The following JAG1 variants were observed in gnomAD, a reference collection of about 807,000 sequenced individuals.
The protein encoded by JAG1 is protein jagged-1.
JAG1 carries 23 observed loss-of-function variants against 148.7 expected under a neutral mutation model. The ratio of observed to expected loss-of-function variants is 0.15; its 90% CI spans 0.11 to 0.22. JAG1 has a LOEUF of 0.22. Ranked by LOEUF, JAG1 falls within the 10% of genes least tolerant of loss-of-function variation. The pLI is 1.00. For synonymous variants in JAG1, 572 were observed against 598.3 expected (o/e 0.96, Z 0.64); for missense variants, 1,054 against 1,611.2 (o/e 0.65, Z 5.92).
At position 10,652,206 on chromosome 20, in the gene JAG1, T is replaced by C. The variant is rs373848497; in HGVS notation, c.931A>G (p.Thr311Ala). ...TTGTCAGGGCCTGTGTTGCTACAAGTTCCCCCGTTGAGACACGGCTGATGA... is the reference window on the plus strand; with the variant it reads ...TTGTCAGGGCCTGTGTTGCTACAAGCTCCCCCGTTGAGACACGGCTGATGA... ...GTHQPCLNGG[T>A]CSNTGPDKYQ... Residue 311 changes from threonine (T) to alanine (A), a missense_variant, in exon 7 of 26, where the codon ACT (threonine) becomes GCT (alanine). By Grantham distance (58) the Thr-to-Ala change is moderately conservative. Coordinates refer to ENST00000254958, the MANE Select transcript of JAG1 (RefSeq NM_000214.3). 6.2e-7 allele frequency: 1 copy of C among 1,614,040 alleles called. No individual in the cohort carries two copies. The highest frequency in any genetic ancestry group is 1.3e-5 in the African/African-American group (1 of 75,026).
intron 3 of JAG1, 136 bp from the exon 4 acceptor site, chr20:10,658,858 G>A: frequency 1.1e-6 from 1 of 924,326 alleles, no homozygotes; most frequent in South Asian, 1.5e-5. Flanking sequence ...GAAATGAAAA[G>A]TTTATGCCCC....
chr20:10,661,771 C>T (rs185937286), intron 3 of JAG1, among the ~76,000 whole-genome samples: 5 of 152,250 alleles, frequency 3.3e-5, no homozygotes, highest in Admixed American at 1.3e-4. Flanking sequence ...GTGGACCAGA[C>T]GAAGGCTACT....
At chr20:10,671,231 C>T (rs1462830693) in intron 2 of JAG1, among the ~76,000 whole-genome samples, 1 of 152,210 alleles carries the variant, frequency 6.6e-6, no homozygotes, top group African/African-American at 2.4e-5. Flanking sequence ...CGCAGCCAGA[C>T]TCTTTAGCTT....
intron 4 of JAG1, among the ~76,000 whole-genome samples, chr20:10,656,873 A>T (rs1012529126): frequency 1.2e-4 from 4 of 33,960 alleles, no homozygotes; most frequent in South Asian, 9.5e-4. Context: ...CTCAGCCTTT[A>T]AAAAAAAAAA....
chr20:10,639,980 T>TA, intron 25 of JAG1, 25 bp from the exon 26 acceptor site: 2 of 1,551,346 alleles, frequency 1.3e-6, no homozygotes, highest in Middle Eastern at 1.7e-4. Flanking sequence ...CAAAACCAAT[T>TA]AACTCTCCAA....
chr20:10,639,476 C>T lies in JAG1; in HGVS notation c.*22G>A, dbSNP rs375704631. The T allele has an allele frequency of 7.6e-5, 122 of 1,600,324 alleles. No homozygotes were observed. Among genetic ancestry groups the T allele is most frequent in the African/African-American group, 1.9e-4 (14 of 74,812 alleles). On this transcript the variant is annotated 3_prime_UTR_variant, in exon 26 of 26. Coordinates refer to ENST00000254958, the MANE Select transcript of JAG1 (RefSeq NM_000214.3). ...CTACAAGCCCTCAGACTCTACCTAG[C>T]GGCGGCAGTGCCCGCGGTCTGCTAT...
At chr20:10,648,501 C>T (rs538816747) in intron 12 of JAG1, 48 bp downstream of exon 12, 37 of 1,512,350 alleles carry the variant, frequency 2.4e-5, no homozygotes, top group African/African-American at 2.7e-5. Context: ...GAGGAGGCAG[C>T]GGCTCTGCTC....
Position 10,672,817 on chromosome 20 carries a change from G to C in JAG1, c.271C>G (p.Pro91Ala). The change falls in exon 2 of 26, where the codon CCC becomes GCC. Residue 91 changes from proline (P) to alanine (A), a missense_variant. By Grantham distance (27) the Pro-to-Ala change is conservative. Coordinates refer to ENST00000254958, the MANE Select transcript of JAG1 (RefSeq NM_000214.3). ...GTGGACCCTGAGCCGAAGCTGCAGG[G>C]CCCCCCGGCCGTGACGCGGGACTGA... ...EYQSRVTAGG[P>A]CSFGSGSTPV... is the part of the protein sequence containing the mutation. 1 of 1,613,110 alleles carries C rather than the reference G, an allele frequency of 6.2e-7. No individual in the cohort carries two copies. Among genetic ancestry groups the C allele is most frequent in the East Asian group, 2.2e-5 (1 of 44,832 alleles).
chr20:10,670,398 T>C (rs571089483), intron 2 of JAG1, among the ~76,000 whole-genome samples: 1 of 152,374 alleles, frequency 6.6e-6, no homozygotes, highest in African/African-American at 2.4e-5. Flanking sequence ...ATCCTTTTCT[T>C]GCTATCTCTT....
intron 14 of JAG1, among the ~76,000 whole-genome samples, chr20:10,646,585 G>GGT: frequency 2.0e-5 from 3 of 151,912 alleles, no homozygotes; most frequent in African/African-American, 7.2e-5. Context: ...GGGGTCGGGG[G>GGT]GTGGATCATC....
At chr20:10,649,240 A>T (rs1179154614) in intron 10 of JAG1, 133 bp from the exon 11 acceptor site, 1 of 712,070 alleles carries the variant, frequency 1.4e-6, no homozygotes, top group African/African-American at 1.8e-5. Context: ...AGATAAGGTT[A>T]TTACGCTGGG....
rs892275570 is a variant in JAG1, at chr20:10,672,885, C to G, written c.203G>C (p.Arg68Pro). 3 of 1,613,184 alleles carry G rather than the reference C, an allele frequency of 1.9e-6. No individual in the cohort carries two copies. Among genetic ancestry groups the G allele is most frequent in the Admixed American group, 1.7e-5 (1 of 60,008 alleles). ...ARNPGDRKCT[R>P]DECDTYFKVC... ...TTTGAAGTATGTGTCACACTCGTCG[C>G]GGGTGCACTTGCGGTCTCCCGGGTT... is the stretch of plus-strand genomic sequence containing the variant. The change falls in exon 2 of 26, where the codon CGC becomes CCC. Residue 68 changes from arginine (R) to proline (P), a missense_variant. By Grantham distance (103) the Arg-to-Pro change is moderately radical (BLOSUM62 -2). This residue lies in a region of JAG1 where 151 missense variants were observed against 211.1 expected (regional missense o/e 0.72). Coordinates refer to ENST00000254958, the MANE Select transcript of JAG1 (RefSeq NM_000214.3).
chr20:10,648,960 A>C lies in JAG1; in HGVS notation c.1395+101T>G, dbSNP rs114304180. 22 of 1,103,170 alleles carry C rather than the reference A, an allele frequency of 2.0e-5. 1 individual carries two copies. In the African/African-American group the frequency reaches 3.0e-4, roughly 15 times the overall value. The allele number at this position is 1,103,170 out of a possible 1,614,324, so 68.3% of individuals were successfully genotyped here. A position where few individuals can be genotyped will look rare whatever the true frequency, so the allele number is the denominator to read the frequency against. ...TTCCAAGAGACTCTTTTTTCACCCA[A>C]ATTTTTAAATCTCACAGGGACAGAG... On this transcript the variant is annotated intron_variant, in intron 11 of 25. Coordinates refer to ENST00000254958, the MANE Select transcript of JAG1 (RefSeq NM_000214.3).
intron 21 of JAG1, among the ~76,000 whole-genome samples, chr20:10,642,161 T>C (rs2067276994): frequency 1.3e-5 from 2 of 152,098 alleles, no homozygotes; most frequent in South Asian, 2.1e-4. Context: ...ATGAAAGGAA[T>C]ATGCCCCAGA....
chr20:10,666,118 G>A (rs2067452336), intron 2 of JAG1, among the ~76,000 whole-genome samples: 2 of 152,116 alleles, frequency 1.3e-5, no homozygotes, highest in South Asian at 4.1e-4. Context: ...GTCTGTTTCA[G>A]GGAGGGGATT....
chr20:10,662,577 C>G (rs1321727892), intron 3 of JAG1: 1 of 152,812 alleles, frequency 6.5e-6, no homozygotes, highest in African/African-American at 2.4e-5. Context: ...TCTCCCCCCT[C>G]CTCAACCCCT....
intron 2 of JAG1, among the ~76,000 whole-genome samples, chr20:10,670,740 C>T (rs1222127854): frequency 6.6e-6 from 1 of 152,226 alleles, no homozygotes; most frequent in East Asian, 1.9e-4. Context: ...AAAAGAACCA[C>T]ATTTTCAGTG....
chr20:10,663,380 A>C (rs1600191357), intron 3 of JAG1, among the ~76,000 whole-genome samples: 1 of 152,356 alleles, frequency 6.6e-6, no homozygotes, highest in East Asian at 1.9e-4. Flanking sequence ...CCAACCCCTC[A>C]GTCCTGAAAG....
At chr20:10,657,373 C>CA (rs1287326735) in intron 4 of JAG1, among the ~76,000 whole-genome samples, 3 of 147,046 alleles carry the variant, frequency 2.0e-5, no homozygotes, top group East Asian at 2.0e-4. Flanking sequence ...AAACACCAAA[C>CA]AAAAAACCCA....
Sources: gnomAD v4.1 joint callset for allele counts (sites outside exome capture counted in the v4.1 genomes callset) on GRCh38, gnomAD v4.1.1 for gene constraint, gnomAD v4.1.1 regional missense constraint, MANE v1.5 for transcripts, NCBI Gene and HGNC (gene_info 2026-07-23, HGNC 2026-07-21) for gene names.